SDK1: variants seen among roughly 807,000 people sequenced by gnomAD.
SDK1 encodes the protein sidekick cell adhesion molecule 1.
Under a neutral mutation model 245.5 loss-of-function variants are expected in SDK1, and 157 were observed. The observed-to-expected ratio is 0.64, with a 90% CI of 0.56 to 0.73. The LOEUF is 0.73. Ranked by LOEUF, SDK1 falls within the 30% of genes least tolerant of loss-of-function variation. The pLI is 0.00. For synonymous variants in SDK1, 1,647 were observed against 1,278.5 expected, an observed-to-expected ratio of 1.29 and a Z score of -6.15; for missense variants, 3,583 against 3,002.3, an observed-to-expected ratio of 1.19 and a Z score of -4.52.
chr7:3,684,376 C>A (rs1437833725), intron 4 of SDK1, among the ~76,000 whole-genome samples: 1 of 152,224 alleles, frequency 6.6e-6, no homozygotes, highest in African/African-American at 2.4e-5. Flanking sequence ...AAAGTGCATA[C>A]TGAAGCTCAC....
rs537853313 is a variant in SDK1, at chr7:4,197,049, T to C, written c.5099-8830T>C. Among the ~76,000 whole-genome samples the C allele has an allele frequency of 4.6e-5, 7 of 152,346 alleles. No individual in the cohort carries two copies. The East Asian group carries it at 1.4e-3, about 29-fold the overall frequency. On this transcript the variant is annotated intron_variant, in intron 35 of 44. Coordinates refer to ENST00000404826, the MANE Select transcript of SDK1 (RefSeq NM_152744.4). ...TTAAACAGAAATAATGGGAGTGGCC[T>C]CCAACGATCTGCTGTGCAATCCACA...
chr7:4,113,044 C>T (rs956827265), intron 23 of SDK1, among the ~76,000 whole-genome samples: 5 of 152,086 alleles, frequency 3.3e-5, no homozygotes, highest in Non-Finnish European at 7.4e-5. Flanking sequence ...ATTTGATCCC[C>T]CGCCACCGCC....
At chr7:3,424,708 A>G (rs919078238) in intron 1 of SDK1, among the ~76,000 whole-genome samples, 6 of 152,200 alleles carry the variant, frequency 3.9e-5, no homozygotes, top group Non-Finnish European at 7.4e-5. Context: ...ACCAGCCTGA[A>G]CAATGTAAGG....
At chr7:3,595,860 C>T (rs1391567630) in intron 1 of SDK1, among the ~76,000 whole-genome samples, 1 of 88,592 alleles carries the variant, frequency 1.1e-5, no homozygotes, top group African/African-American at 4.2e-5. Flanking sequence ...AAAAAAACAA[C>T]AACAAAAAAG....
At chr7:3,900,641 A>G (rs1264540850) in intron 5 of SDK1, among the ~76,000 whole-genome samples, 1 of 152,154 alleles carries the variant, frequency 6.6e-6, no homozygotes, top group Non-Finnish European at 1.5e-5. Context: ...ACCTGCAGAA[A>G]TGTAAGGTGA....
Position 3,956,976 on chromosome 7 carries a change from G to A in SDK1, c.1151-1955G>A, listed in dbSNP as rs533967914. On this transcript the variant is annotated intron_variant, in intron 7 of 44. Transcript: ENST00000404826. ...CAGTACCTCAGGGAAGGCACCCTGGGCCCGTAGGTGCCGACCATTGTTATC... is the reference window on the plus strand; with the variant it reads ...CAGTACCTCAGGGAAGGCACCCTGGACCCGTAGGTGCCGACCATTGTTATC... Among the ~76,000 whole-genome samples the A allele has an allele frequency of 2.2e-4, 34 of 152,296 alleles. 2 individuals are homozygous for A. In the South Asian group the frequency reaches 7.0e-3, roughly 32 times the overall value.
chr7:3,661,270 G>C (rs11972369), intron 4 of SDK1, among the ~76,000 whole-genome samples: 1 of 152,194 alleles, frequency 6.6e-6, no homozygotes, highest in South Asian at 2.1e-4. Flanking sequence ...CCATGGTTTG[G>C]TTTGAATCTG....
chr7:4,163,744 G>A (rs1170866383), intron 32 of SDK1, among the ~76,000 whole-genome samples: 1 of 152,220 alleles, frequency 6.6e-6, no homozygotes, highest in African/African-American at 2.4e-5. Flanking sequence ...AGATGCCAGA[G>A]AGGAACCCGG....
At chr7:3,821,668 C>G (rs1306872147) in intron 5 of SDK1, 85 bp downstream of exon 5, 4 of 1,463,762 alleles carry the variant, frequency 2.7e-6, no homozygotes, top group East Asian at 4.6e-5. Flanking sequence ...GGACATTTTG[C>G]AATAAATTTT....
chr7:4,193,388 ATATATATAT>A (rs1783354625), intron 35 of SDK1, among the ~76,000 whole-genome samples: 3 of 139,442 alleles, frequency 2.2e-5, no homozygotes, highest in Non-Finnish European at 3.0e-5. Flanking sequence ...ATATATATAT[ATATATATAT>A]AAAGGGGAGT....
At position 4,268,021 on chromosome 7, in the gene SDK1, G is replaced by C. The variant is rs1053613989; in HGVS notation, c.*2637G>C. The C allele has an allele frequency of 2.0e-6, 2 of 985,364 alleles. No homozygotes were observed. Among genetic ancestry groups the C allele is most frequent in the African/African-American group, 3.5e-5 (2 of 57,242 alleles). 61.0% of individuals were successfully genotyped at this position (985,364 alleles called of 1,614,324 possible). A position where few individuals can be genotyped will look rare whatever the true frequency, so the allele number is the denominator to read the frequency against. On this transcript the variant is annotated 3_prime_UTR_variant, in exon 45 of 45. Transcript: ENST00000404826. ...GGAAGGAAAAGAAAATCACAGCCTA[G>C]GAAGATGGAGGTTGGATTTTAATCT...
intron 5 of SDK1, among the ~76,000 whole-genome samples, chr7:3,945,796 G>A (rs1780550830): frequency 6.7e-6 from 1 of 150,308 alleles, no homozygotes; most frequent in Non-Finnish European, 1.5e-5. Context: ...CTACCCAGGA[G>A]GCTGAGGCAG....
At chr7:3,611,302 A>G (rs1276081004) in intron 1 of SDK1, among the ~76,000 whole-genome samples, 1 of 152,164 alleles carries the variant, frequency 6.6e-6, no homozygotes, top group Admixed American at 6.5e-5. Context: ...TGGAGGGAGA[A>G]TTACATAGTT....
chr7:3,698,429 C>A (rs189532426), intron 4 of SDK1, among the ~76,000 whole-genome samples: 1 of 152,276 alleles, frequency 6.6e-6, no homozygotes, highest in East Asian at 1.9e-4. Flanking sequence ...TTGTCCTCCC[C>A]ACTGGGGTGA....
At chr7:3,680,293 G>A (rs56788610) in intron 4 of SDK1, among the ~76,000 whole-genome samples, 2,715 of 152,238 alleles carry the variant, frequency 0.018, 91 homozygotes, top group African/African-American at 0.062. Context: ...AGTTAGAGAC[G>A]TAGGAGAGCT....
intron 5 of SDK1, among the ~76,000 whole-genome samples, chr7:3,910,348 T>G (rs1779121248): frequency 6.6e-6 from 1 of 152,214 alleles, no homozygotes; most frequent in African/African-American, 2.4e-5. Context: ...CAAACAGTAT[T>G]ATGTGTACAA....
rs768630974 is a variant in SDK1, at chr7:4,017,187, C to T, written c.2437C>T (p.Leu813Phe). ...GTGGCGCAGGTACCGCCTGGCTGGC[C>T]TTCCCGGAGAGTACCAGCAGCGGAA... ...GYILRYRLAG[L>F]PGEYQQRNIT... Residue 813 changes from leucine to phenylalanine, a missense_variant, in exon 17 of 45, where the codon CTT becomes TTT. Coordinates refer to ENST00000404826, the MANE Select transcript of SDK1 (RefSeq NM_152744.4). 1 of 1,611,458 alleles carries T rather than the reference C, an allele frequency of 6.2e-7. No individual in the cohort carries two copies. Among genetic ancestry groups the T allele is most frequent in the Admixed American group, 1.7e-5 (1 of 59,516 alleles).
chr7:4,266,076 C>G lies in SDK1; in HGVS notation c.*692C>G. On this transcript the variant is annotated 3_prime_UTR_variant, in exon 45 of 45. Coordinates refer to ENST00000404826, the MANE Select transcript of SDK1 (RefSeq NM_152744.4). Reference sequence around the variant, plus strand: ...TCAGGCTTTTCTGCCTGTCTTTCCCCCTTCCTTCTCACCTGACAGCGAGGG... The same window carrying G: ...TCAGGCTTTTCTGCCTGTCTTTCCCGCTTCCTTCTCACCTGACAGCGAGGG... The G allele has an allele frequency of 1.0e-6, 1 of 985,492 alleles. No individual in the cohort carries two copies. The highest frequency in any genetic ancestry group is 1.2e-6 in the Non-Finnish European group (1 of 829,970). The allele number at this position is 985,492 out of a possible 1,614,324, so 61.0% of individuals were successfully genotyped here.
chr7:3,966,364 A>G (rs1014066530), intron 9 of SDK1, among the ~76,000 whole-genome samples: 3 of 152,110 alleles, frequency 2.0e-5, no homozygotes, highest in Non-Finnish European at 4.4e-5. Context: ...ACCCTCACAG[A>G]AGACTTGAGA....
Sources: allele counts gnomAD v4.1 joint callset (sites outside exome capture counted in the v4.1 genomes callset), GRCh38; gene constraint gnomAD v4.1.1; transcripts MANE v1.5; gene names NCBI Gene and HGNC (gene_info 2026-07-23, HGNC 2026-07-21).